Variants in MDGA2 observed in about 807,000 individuals in gnomAD.
The protein encoded by MDGA2 is MAM domain-containing glycosylphosphatidylinositol anchor protein 2.
MDGA2 carries 40 observed loss-of-function variants against 117.8 expected under a neutral mutation model. The ratio of observed to expected loss-of-function variants is 0.34; its 90% CI spans 0.26 to 0.44. The LOEUF is 0.44. Ranked by LOEUF, MDGA2 falls within the 20% of genes least tolerant of loss-of-function variation. MDGA2 has a pLI of 1.00. For synonymous variants in MDGA2, 452 were observed against 439.0 expected (o/e 1.03, Z -0.37); for missense variants, 1,123 against 1,250.6 (o/e 0.90, Z 1.54).
intron 1 of MDGA2, among the ~76,000 whole-genome samples, chr14:47,655,027 A>G (rs1897717736): frequency 6.6e-6 from 1 of 152,094 alleles, no homozygotes; most frequent in East Asian, 1.9e-4. Flanking sequence ...ACAAAATGTA[A>G]GATATCAGTA....
At chr14:46,956,247 T>C (rs1021245808) in intron 9 of MDGA2, among the ~76,000 whole-genome samples, 1 of 152,052 alleles carries the variant, frequency 6.6e-6, no homozygotes, top group African/African-American at 2.4e-5. Context: ...TTTACTACCA[T>C]GAACATTTCA....
intron 1 of MDGA2, among the ~76,000 whole-genome samples, chr14:47,598,441 T>C (rs1309146071): frequency 6.6e-6 from 1 of 152,178 alleles, no homozygotes; most frequent in Non-Finnish European, 1.5e-5. Flanking sequence ...CATCCACAGA[T>C]AAATGGATAA....
intron 2 of MDGA2, among the ~76,000 whole-genome samples, chr14:47,255,136 T>C (rs1227911174): frequency 6.6e-6 from 1 of 152,032 alleles, no homozygotes; most frequent in Non-Finnish European, 1.5e-5. Flanking sequence ...ATATTACCCA[T>C]TTTAATTTTG....
chr14:47,464,429 C>A (rs1893557544), intron 1 of MDGA2, among the ~76,000 whole-genome samples: 1 of 152,038 alleles, frequency 6.6e-6, no homozygotes, highest in Non-Finnish European at 1.5e-5. Flanking sequence ...TATTCTGTAT[C>A]TAGAAAACCC....
At chr14:47,615,989 A>G (rs1227833082) in intron 1 of MDGA2, among the ~76,000 whole-genome samples, 1 of 152,126 alleles carries the variant, frequency 6.6e-6, no homozygotes, top group Admixed American at 6.5e-5. Flanking sequence ...TCCTCCTTCC[A>G]ATCTCTCCAA....
intron 10 of MDGA2, among the ~76,000 whole-genome samples, chr14:46,885,731 A>G (rs1262638218): frequency 6.7e-6 from 1 of 150,142 alleles, no homozygotes; most frequent in Non-Finnish European, 1.5e-5. Flanking sequence ...GGTCAGAGAA[A>G]ATGACTCATG....
intron 7 of MDGA2, among the ~76,000 whole-genome samples, chr14:47,053,179 G>T (rs1009177096): frequency 6.6e-6 from 1 of 151,702 alleles, no homozygotes; most frequent in Non-Finnish European, 1.5e-5. Flanking sequence ...GATTTCCATT[G>T]ATCAGTCATT....
chr14:46,904,228 TG>T (rs1883401469), intron 10 of MDGA2, among the ~76,000 whole-genome samples: 1 of 151,684 alleles, frequency 6.6e-6, no homozygotes, highest in Non-Finnish European at 1.5e-5. Context: ...AAAAATTAGC[TG>T]GGCCTGGTGG....
chr14:46,899,738 T>C (rs929364837), intron 10 of MDGA2, among the ~76,000 whole-genome samples: 1 of 152,098 alleles, frequency 6.6e-6, no homozygotes, highest in Non-Finnish European at 1.5e-5. Context: ...GTTGGCAAAA[T>C]ATAGCTTTAA....
At chr14:47,532,290 G>A (rs1040954579) in intron 1 of MDGA2, among the ~76,000 whole-genome samples, 1 of 152,160 alleles carries the variant, frequency 6.6e-6, no homozygotes, top group Non-Finnish European at 1.5e-5. Flanking sequence ...CATTATAAAT[G>A]TTTCTCTTTC....
At chr14:47,151,459 T>C (rs1046141416) in intron 3 of MDGA2, among the ~76,000 whole-genome samples, 14 of 152,220 alleles carry the variant, frequency 9.2e-5, no homozygotes, top group African/African-American at 3.4e-4. Context: ...TAATTTTCTC[T>C]AGCTTTTAAA....
chr14:47,157,593 ATATGTG>A (rs1566655633), intron 3 of MDGA2, among the ~76,000 whole-genome samples: 3 of 125,286 alleles, frequency 2.4e-5, no homozygotes, highest in South Asian at 2.6e-4. Context: ...CTATGTACAT[ATATGTG>A]TGTGTGTGTG....
At chr14:46,951,362 C>T (rs79277430) in intron 9 of MDGA2, among the ~76,000 whole-genome samples, 17,909 of 151,966 alleles carry the variant, frequency 0.12, 2,010 homozygotes, top group African/African-American at 0.27. Flanking sequence ...ATTCCTGTCT[C>T]TTGTTTTTCA....
At chr14:47,563,598 T>G (rs1014483006) in intron 1 of MDGA2, among the ~76,000 whole-genome samples, 1 of 106,662 alleles carries the variant, frequency 9.4e-6, no homozygotes, top group African/African-American at 3.1e-5. Flanking sequence ...TTTTTTTTTT[T>G]TTTTTTTTTT....
chr14:46,963,417 G>T (rs1297789278), intron 8 of MDGA2, among the ~76,000 whole-genome samples: 3 of 152,174 alleles, frequency 2.0e-5, no homozygotes, highest in African/African-American at 7.2e-5. Flanking sequence ...AAACTTTATG[G>T]ACTCACCCTT....
At chr14:47,273,704 C>T (rs576224690) in intron 2 of MDGA2, among the ~76,000 whole-genome samples, 1 of 152,098 alleles carries the variant, frequency 6.6e-6, no homozygotes, top group African/African-American at 2.4e-5. Context: ...TTTTTCCTGT[C>T]CATAAAAACT....
chr14:47,001,361 G>A (rs1312068967), intron 8 of MDGA2, among the ~76,000 whole-genome samples: 6 of 151,940 alleles, frequency 3.9e-5, no homozygotes, highest in African/African-American at 1.4e-4. Flanking sequence ...GTTCATAAAC[G>A]AGGAGTTAAA....
intron 1 of MDGA2, among the ~76,000 whole-genome samples, chr14:47,662,936 C>T (rs1897877153): frequency 6.6e-6 from 1 of 152,142 alleles, no homozygotes; most frequent in South Asian, 2.1e-4. Context: ...AAAGGTTGAG[C>T]TTTGATTAAT....
chr14:47,048,052 T>C (rs553986751), intron 7 of MDGA2, among the ~76,000 whole-genome samples: 8 of 152,210 alleles, frequency 5.3e-5, no homozygotes, highest in African/African-American at 1.7e-4. Context: ...TTGGTTACTA[T>C]AACAAAATGG....
Sources: allele counts gnomAD v4.1 joint callset (sites outside exome capture counted in the v4.1 genomes callset), GRCh38; gene constraint gnomAD v4.1.1; transcripts MANE v1.5; gene names NCBI Gene and HGNC (gene_info 2026-07-23, HGNC 2026-07-21).